The following NRG1 variants were observed in gnomAD, a reference collection of about 807,000 sequenced individuals.
NRG1 encodes neuregulin 1.
A neutral mutation model predicts 63.8 loss-of-function variants in NRG1; 18 were observed. That is an observed-to-expected ratio of 0.28 (90% CI 0.19 to 0.42). The LOEUF is 0.42. NRG1 is among the 10% of genes least tolerant of loss of function. NRG1 has a pLI of 1.00. For missense variants in NRG1, 762 were observed against 814.7 expected, an observed-to-expected ratio of 0.94 and a Z score of 0.79; for synonymous variants, 302 against 301.3, an observed-to-expected ratio of 1.00 and a Z score of -0.02.
chr8:31,817,296 A>C (rs549824094), intron 1 of NRG1, among the ~76,000 whole-genome samples: 2 of 152,196 alleles, frequency 1.3e-5, no homozygotes, highest in Non-Finnish European at 2.9e-5. Context: ...TCTCACAGAG[A>C]CTCCTAACAG....
intron 1 of NRG1, among the ~76,000 whole-genome samples, chr8:32,314,208 C>T (rs1170811092): frequency 6.6e-6 from 1 of 150,692 alleles, no homozygotes; most frequent in Non-Finnish European, 1.5e-5. Flanking sequence ...AAAAATTCTT[C>T]TTCGGGGCAG....
At chr8:31,644,739 A>C (rs1349694964) in intron 1 of NRG1, among the ~76,000 whole-genome samples, 1 of 152,128 alleles carries the variant, frequency 6.6e-6, no homozygotes, top group Non-Finnish European at 1.5e-5. Flanking sequence ...AATTATAAAC[A>C]TAATGTCTTT....
At position 31,946,459 on chromosome 8, in the gene NRG1, GA is replaced by G. The variant is rs778256037; in HGVS notation, c.37+307030del. Reference sequence around the variant, plus strand: ...AACTTTCTATCCAAAAAGATAGAAAGAAGTTGTCTCTGGTTTTGAACAATGA... The same window carrying G: ...AACTTTCTATCCAAAAAGATAGAAAGAGTTGTCTCTGGTTTTGAACAATGA... On this transcript the variant is annotated intron_variant, in intron 1 of 10. Coordinates refer to the NRG1 transcript ENST00000519301. 4.6e-5 allele frequency among the ~76,000 whole-genome samples: 7 copies of G among 152,340 alleles called. No individual in the cohort carries two copies. In the East Asian group the frequency reaches 9.6e-4, roughly 21 times the overall value.
At chr8:32,439,473 A>C (rs1457810721) in intron 1 of NRG1, among the ~76,000 whole-genome samples, 1 of 152,158 alleles carries the variant, frequency 6.6e-6, no homozygotes, top group Non-Finnish European at 1.5e-5. Context: ...TCTCTAGTGA[A>C]ACCTGAAGAA....
At chr8:32,401,759 A>C (rs1276458432) in intron 1 of NRG1, among the ~76,000 whole-genome samples, 1 of 152,170 alleles carries the variant, frequency 6.6e-6, no homozygotes, top group Admixed American at 6.5e-5. Context: ...AGGAGGGAGA[A>C]GATCAGAAAA....
At chr8:32,657,422 G>A (rs1801764632) in intron 5 of NRG1, among the ~76,000 whole-genome samples, 1 of 151,942 alleles carries the variant, frequency 6.6e-6, no homozygotes, top group African/African-American at 2.4e-5. Context: ...CTCCCACCCT[G>A]CTCTGAAGCC....
intron 1 of NRG1, among the ~76,000 whole-genome samples, chr8:31,702,184 A>C (rs1810694770): frequency 6.6e-6 from 1 of 152,162 alleles, no homozygotes; most frequent in Admixed American, 6.6e-5. Context: ...AGAGATCTTT[A>C]TTTAGGCTCC....
intron 1 of NRG1, among the ~76,000 whole-genome samples, chr8:32,554,391 T>C (rs1294022468): frequency 6.6e-6 from 1 of 152,108 alleles, no homozygotes; most frequent in Admixed American, 6.6e-5. Flanking sequence ...AAAAGTGAGG[T>C]GTTAGAAAAA....
rs71208138 is a variant in NRG1, at chr8:31,691,594, C to CAAAAAAA, written c.37+52184_37+52190dup. 1.5e-3 allele frequency among the ~76,000 whole-genome samples: 52 copies of CAAAAAAA among 34,986 alleles called. 9 individuals carry two copies. The highest frequency in any genetic ancestry group is 7.4e-3 in the African/African-American group (49 of 6,590). 23.0% of individuals were successfully genotyped at this position (34,986 alleles called of 152,430 possible). A position where few individuals can be genotyped will look rare whatever the true frequency, so the allele number is the denominator to read the frequency against. ...TGGGTGACAGAGTGAGACTCTGTCT[C>CAAAAAAA]AAAAAAAAAAAAAAAAAAAAAAAAA... On this transcript the variant is annotated intron_variant, in intron 1 of 10. Coordinates refer to the NRG1 transcript ENST00000519301.
At chr8:32,295,254 A>G (rs1035493991) in intron 1 of NRG1, among the ~76,000 whole-genome samples, 4 of 152,282 alleles carry the variant, frequency 2.6e-5, no homozygotes, top group African/African-American at 2.4e-5. Context: ...AAAATCTATA[A>G]ATTTCCAGAC....
chr8:31,807,948 CGT>C (rs71208141), intron 1 of NRG1, among the ~76,000 whole-genome samples: 34,029 of 136,928 alleles, frequency 0.25, 4,055 homozygotes, highest in Non-Finnish European at 0.29. Context: ...AGAGTATTCG[CGT>C]GTGTGTGTGT....
intron 1 of NRG1, among the ~76,000 whole-genome samples, chr8:32,068,258 A>T (rs1341722416): frequency 1.3e-5 from 2 of 152,232 alleles, no homozygotes. Context: ...CTGTAAGAAC[A>T]TGAGATATTT....
chr8:32,305,047 A>T (rs1425364612), intron 1 of NRG1, among the ~76,000 whole-genome samples: 1 of 152,082 alleles, frequency 6.6e-6, no homozygotes, highest in African/African-American at 2.4e-5. Flanking sequence ...ATAAAAATTT[A>T]AATATTATTG....
At chr8:32,308,128 T>C (rs1218187383) in intron 1 of NRG1, among the ~76,000 whole-genome samples, 1 of 152,186 alleles carries the variant, frequency 6.6e-6, no homozygotes, top group African/African-American at 2.4e-5. Flanking sequence ...TGGGTTTGAC[T>C]TTTTCCAGTG....
chr8:32,094,856 G>T (rs1019964968), intron 1 of NRG1, among the ~76,000 whole-genome samples: 5 of 150,302 alleles, frequency 3.3e-5, no homozygotes, highest in African/African-American at 4.9e-5. Flanking sequence ...AAAAAAAATA[G>T]CCCAGGATTC....
chr8:31,896,260 T>C (rs559729605), intron 1 of NRG1, among the ~76,000 whole-genome samples: 1 of 152,346 alleles, frequency 6.6e-6, no homozygotes, highest in South Asian at 2.1e-4. Context: ...ATTCATGTTT[T>C]ATTATGTATG....
intron 1 of NRG1, among the ~76,000 whole-genome samples, chr8:31,740,686 A>G (rs375919085): frequency 1.1e-5 from 1 of 93,174 alleles, no homozygotes; most frequent in Non-Finnish European, 2.7e-5. Context: ...TGTGTGTGTG[A>G]GAGAGAGAGA....
chr8:32,365,093 G>T (rs1177357990), intron 1 of NRG1, among the ~76,000 whole-genome samples: 1 of 151,234 alleles, frequency 6.6e-6, no homozygotes, highest in Non-Finnish European at 1.5e-5. Context: ...TGCCTGTGTT[G>T]CTCAGACTGG....
chr8:32,497,476 A>G (rs1319779686), intron 1 of NRG1, among the ~76,000 whole-genome samples: 1 of 151,844 alleles, frequency 6.6e-6, no homozygotes, highest in Non-Finnish European at 1.5e-5. Context: ...GAAAATCTCT[A>G]AAATGATACC....
Sources: gnomAD v4.1 joint callset for allele counts (sites outside exome capture counted in the v4.1 genomes callset) on GRCh38, gnomAD v4.1.1 for gene constraint, MANE v1.5 for transcripts, NCBI Gene and HGNC (gene_info 2026-07-23, HGNC 2026-07-21) for gene names.